The following GPC5 variants were observed in gnomAD, a reference collection of about 807,000 sequenced individuals.
GPC5 encodes the protein glypican 5, also known as glypican-5.
Under a neutral mutation model 53.9 loss-of-function variants are expected in GPC5, and 47 were observed. The observed-to-expected ratio is 0.87, with a 90% confidence interval of 0.69 to 1.11. The LOEUF is 1.11. GPC5 is among the 50% of genes most tolerant of loss of function. GPC5 has a pLI of 0.00. For missense variants in GPC5, 748 were observed against 713.1 expected, an observed-to-expected ratio of 1.05 and a Z score of -0.56; for synonymous variants, 286 against 263.3, an observed-to-expected ratio of 1.09 and a Z score of -0.84.
intron 1 of GPC5, among the ~76,000 whole-genome samples, chr13:91,419,405 G>A (rs1878452502): frequency 6.6e-6 from 1 of 152,134 alleles, no homozygotes; most frequent in Non-Finnish European, 1.5e-5. Flanking sequence ...TATTTTAGCA[G>A]AATAACGCCT....
chr13:92,771,830 C>T (rs1487992725), intron 7 of GPC5, among the ~76,000 whole-genome samples: 4 of 152,170 alleles, frequency 2.6e-5, no homozygotes, highest in Non-Finnish European at 5.9e-5. Context: ...GCTTCAGCCT[C>T]TCTCCTGAAG....
At chr13:92,818,062 G>C (rs999874012) in intron 7 of GPC5, among the ~76,000 whole-genome samples, 1 of 150,220 alleles carries the variant, frequency 6.7e-6, no homozygotes, top group African/African-American at 2.5e-5. Flanking sequence ...ACCTAGGCTG[G>C]AGTGCAGTGG....
chr13:91,565,711 T>C (rs2031497188), intron 2 of GPC5, among the ~76,000 whole-genome samples: 2 of 152,228 alleles, frequency 1.3e-5, no homozygotes, highest in Non-Finnish European at 1.5e-5. Flanking sequence ...ATTATCTATA[T>C]ATTTTGAAAG....
intron 5 of GPC5, among the ~76,000 whole-genome samples, chr13:91,828,631 C>T (rs1301922804): frequency 6.6e-6 from 1 of 151,926 alleles, no homozygotes; most frequent in Non-Finnish European, 1.5e-5. Flanking sequence ...AAAGTAAATG[C>T]TTTCTCAAAG....
At chr13:92,558,092 A>G (rs1882562812) in intron 7 of GPC5, among the ~76,000 whole-genome samples, 2 of 152,038 alleles carry the variant, frequency 1.3e-5, no homozygotes, top group Admixed American at 1.3e-4. Flanking sequence ...AGGTAACTGG[A>G]AAATCAAAAG....
chr13:91,921,305 T>C (rs1399212428), intron 6 of GPC5, among the ~76,000 whole-genome samples: 1 of 152,074 alleles, frequency 6.6e-6, no homozygotes, highest in African/African-American at 2.4e-5. Context: ...AATAAGAAGA[T>C]ATGGGGTCCA....
chr13:91,637,592 A>T (rs2034315908), intron 2 of GPC5, among the ~76,000 whole-genome samples: 1 of 152,192 alleles, frequency 6.6e-6, no homozygotes, highest in African/African-American at 2.4e-5. Flanking sequence ...CAGGACTGAA[A>T]ATAGGGACGA....
intron 7 of GPC5, among the ~76,000 whole-genome samples, chr13:92,166,000 G>A (rs904826992): frequency 2.0e-5 from 3 of 152,112 alleles, no homozygotes; most frequent in Admixed American, 2.0e-4. Context: ...TGCAGATTGT[G>A]TATAAAAAAC....
chr13:91,750,689 T>TTTTTTTTTTG, intron 4 of GPC5, among the ~76,000 whole-genome samples: 1 of 146,076 alleles, frequency 6.8e-6, no homozygotes, highest in Non-Finnish European at 1.5e-5. Flanking sequence ...TTTTTTTTTT[T>TTTTTTTTTTG]TTTTTTTTGA....
intron 7 of GPC5, among the ~76,000 whole-genome samples, chr13:92,635,859 C>T (rs1371037379): frequency 6.6e-6 from 1 of 152,186 alleles, no homozygotes; most frequent in African/African-American, 2.4e-5. Context: ...TTTTCACCTG[C>T]ATTGAATTTC....
intron 6 of GPC5, among the ~76,000 whole-genome samples, chr13:92,029,297 T>C (rs1317949967): frequency 6.6e-6 from 1 of 152,136 alleles, no homozygotes; most frequent in African/African-American, 2.4e-5. Context: ...TCCTCAAAAC[T>C]GATGTTCTAT....
chr13:92,362,921 T>C (rs1418471201), intron 7 of GPC5, among the ~76,000 whole-genome samples: 1 of 151,730 alleles, frequency 6.6e-6, no homozygotes, highest in Non-Finnish European at 1.5e-5. Flanking sequence ...CTTGGCTCAC[T>C]GCCTGGAGTT....
chr13:92,191,323 G>A (rs188346600), intron 7 of GPC5, among the ~76,000 whole-genome samples: 2 of 152,198 alleles, frequency 1.3e-5, no homozygotes, highest in South Asian at 2.1e-4. Context: ...TTTAAAAAAT[G>A]AGATATCATT....
intron 5 of GPC5, among the ~76,000 whole-genome samples, chr13:91,821,585 G>A (rs2038496316): frequency 6.6e-6 from 1 of 152,140 alleles, no homozygotes; most frequent in South Asian, 2.1e-4. Flanking sequence ...TTTGATATAT[G>A]TTATGTCAGA....
intron 7 of GPC5, among the ~76,000 whole-genome samples, chr13:92,428,161 C>G (rs1206944668): frequency 6.6e-6 from 1 of 152,082 alleles, no homozygotes; most frequent in Non-Finnish European, 1.5e-5. Context: ...TTCTTCATTC[C>G]TGGCCCCCAA....
At chr13:92,705,575 G>A (rs898994309) in intron 7 of GPC5, among the ~76,000 whole-genome samples, 1 of 151,952 alleles carries the variant, frequency 6.6e-6, no homozygotes, top group Non-Finnish European at 1.5e-5. Flanking sequence ...AATAATTTTT[G>A]TAAATATTGG....
chr13:91,715,264 C>G (rs76122008), intron 3 of GPC5, among the ~76,000 whole-genome samples: 1,988 of 152,260 alleles, frequency 0.013, 35 homozygotes, highest in African/African-American at 0.045. Context: ...CCTCCAGAGA[C>G]AAGTTCTGCC....
chr13:92,813,279 G>T (rs1390668877), intron 7 of GPC5, among the ~76,000 whole-genome samples: 7 of 151,816 alleles, frequency 4.6e-5, no homozygotes, highest in African/African-American at 1.5e-4. Flanking sequence ...TTTAAGTAAG[G>T]CCACTGCGGA....
chr13:92,598,755 G>A (rs972577962), intron 7 of GPC5, among the ~76,000 whole-genome samples: 7 of 152,018 alleles, frequency 4.6e-5, no homozygotes, highest in Admixed American at 1.3e-4. Flanking sequence ...GACTTTAAAC[G>A]CCTGTAATCT....
Sources: allele counts gnomAD v4.1 joint callset (sites outside exome capture counted in the v4.1 genomes callset), GRCh38; gene constraint gnomAD v4.1.1; transcripts MANE v1.5; gene names NCBI Gene and HGNC (gene_info 2026-07-23, HGNC 2026-07-21).